SLC4A1AP: variants seen among roughly 807,000 people sequenced by gnomAD.
SLC4A1AP encodes solute carrier family 4 member 1 adaptor protein.
In SLC4A1AP, 64 loss-of-function variants were observed where a neutral mutation model predicts 89.7. That is an observed-to-expected ratio of 0.71 (90% CI 0.58 to 0.88). The LOEUF (loss-of-function observed/expected upper bound fraction) is 0.88, where lower values mean the gene tolerates loss of function less well. Among genes scored for constraint, SLC4A1AP ranks in the 40% least tolerant of loss-of-function variants. The pLI is 0.00. For synonymous variants in SLC4A1AP, 366 were observed against 353.3 expected, an observed-to-expected ratio of 1.04 and a Z score of -0.40; for missense variants, 931 against 965.0, an observed-to-expected ratio of 0.96 and a Z score of 0.47.
exon 4 of SLC4A1AP, chr2:27,668,868 T>A (rs756489695): frequency 6.2e-7 from 1 of 1,614,186 alleles, no homozygotes; most frequent in South Asian, 1.1e-5. Flanking sequence ...ATGAATTTGA[T>A]GAACAGGGAC....
chr2:27,680,468 A>T (rs1675602200), intron 8 of SLC4A1AP, among the ~76,000 whole-genome samples: 1 of 152,134 alleles, frequency 6.6e-6, no homozygotes, highest in Non-Finnish European at 1.5e-5. Flanking sequence ...ATCATATAAT[A>T]ATTTTGTTAC....
exon 13 of SLC4A1AP, chr2:27,693,737 T>A (rs1179287854): frequency 6.2e-7 from 1 of 1,612,634 alleles, no homozygotes; most frequent in South Asian, 1.1e-5. Flanking sequence ...GACTACTGTG[T>A]GTGGGTCCCA....
At chr2:27,691,134 G>A (rs1430144402) in intron 12 of SLC4A1AP, among the ~76,000 whole-genome samples, 2 of 152,000 alleles carry the variant, frequency 1.3e-5, no homozygotes, top group Admixed American at 6.6e-5. Flanking sequence ...TTCCTTGAAT[G>A]TCTGGTAGAA....
exon 8 of SLC4A1AP, chr2:27,677,869 A>C: frequency 6.2e-7 from 1 of 1,613,202 alleles, no homozygotes; most frequent in South Asian, 1.1e-5. Context: ...AGAACAACAG[A>C]GACTTAAAGG....
chr2:27,688,552 T>A (rs1195282484), intron 11 of SLC4A1AP, 148 bp from the exon 12 acceptor site: 2 of 590,042 alleles, frequency 3.4e-6, no homozygotes, highest in East Asian at 3.1e-5. Flanking sequence ...TTGATATAGT[T>A]TTTACAGCAG....
chr2:27,675,511 C>T, intron 5 of SLC4A1AP, 21 bp from the exon 6 acceptor site: 2 of 1,506,810 alleles, frequency 1.3e-6, no homozygotes, highest in East Asian at 2.3e-5. Flanking sequence ...CTTATTTATT[C>T]ATCATTTTAT....
At chr2:27,667,932 CAGGCA>C (rs1675360572) in intron 3 of SLC4A1AP, among the ~76,000 whole-genome samples, 1 of 151,764 alleles carries the variant, frequency 6.6e-6, no homozygotes, top group Admixed American at 6.6e-5. Context: ...TTCTAAAAAC[CAGGCA>C]ACTGTGTTAA....
At chr2:27,689,002 ATATCC>A (rs1675749404) in intron 12 of SLC4A1AP, among the ~76,000 whole-genome samples, 1 of 152,106 alleles carries the variant, frequency 6.6e-6, no homozygotes, top group Admixed American at 6.5e-5. Context: ...ATCTTTCTTT[ATATCC>A]TAATTTGCCA....
At chr2:27,664,250 C>T in exon 1 of SLC4A1AP, 1 of 1,614,228 alleles carries the variant, frequency 6.2e-7, no homozygotes, top group Non-Finnish European at 8.5e-7. Flanking sequence ...CCACAGCCCC[C>T]TACAGCTTAG....
intron 9 of SLC4A1AP, among the ~76,000 whole-genome samples, chr2:27,683,431 C>G (rs182159075): frequency 2.6e-5 from 4 of 152,270 alleles, no homozygotes; most frequent in African/African-American, 7.2e-5. Flanking sequence ...TTGGTTTCCT[C>G]TAAGGCCTCT....
intron 12 of SLC4A1AP, chr2:27,692,396 ATTTGT>A (rs1241997103): frequency 2.6e-5 from 4 of 152,018 alleles, no homozygotes; most frequent in African/African-American, 7.3e-5. Context: ...TAAATTTGAG[ATTTGT>A]TTTGTGGTCT....
intron 3 of SLC4A1AP, chr2:27,668,636 G>C: frequency 1.4e-6 from 1 of 690,054 alleles, no homozygotes; most frequent in South Asian, 1.5e-5. Flanking sequence ...TTTTTGTACA[G>C]ATGGGGTTTT....
At chr2:27,683,035 T>C (rs1283397485) in intron 9 of SLC4A1AP, among the ~76,000 whole-genome samples, 1 of 152,234 alleles carries the variant, frequency 6.6e-6, no homozygotes, top group African/African-American at 2.4e-5. Flanking sequence ...GAACATAGTG[T>C]GTGCACTTGC....
Position 27,664,110 on chromosome 2 carries a change from C to T in SLC4A1AP, c.358C>T (p.Pro120Ser), listed in dbSNP as rs528081909. Residue 120 changes from proline (P) to serine (S), a missense_variant, in exon 1 of 14, where the codon CCT becomes TCT. Coordinates refer to ENST00000613058, the Ensembl canonical transcript of SLC4A1AP. ...CAATTCTGGGGAGCCCGACATCCCT[C>T]CTCCTCAGCCGGACTGCGGTGATTT... The T allele has an allele frequency of 2.7e-5, 43 of 1,614,088 alleles. No individual in the cohort carries two copies. Among genetic ancestry groups the T allele is most frequent in the Admixed American group, 5.0e-5 (3 of 60,012 alleles).
chr2:27,667,189 C>T (rs1675343482), intron 2 of SLC4A1AP, 79 bp from the exon 3 acceptor site: 1 of 1,460,212 alleles, frequency 6.8e-7, no homozygotes, highest in East Asian at 2.3e-5. Context: ...CTTTATGCAG[C>T]CTGAGAGAAT....
At position 27,694,629 on chromosome 2, in the gene SLC4A1AP, T is replaced by A. The variant is rs1442730639; in HGVS notation, c.2342-5T>A. On this transcript the variant is annotated splice_region_variant and splice_polypyrimidine_tract_variant and intron_variant, in intron 13 of 13. Coordinates refer to ENST00000613058, the Ensembl canonical transcript of SLC4A1AP. ...ATGTATTTCTTTTTTTATATTCTGATCTAGGTCAAAGTGGAGATGGCAGAA... is the reference window on the plus strand; with the variant it reads ...ATGTATTTCTTTTTTTATATTCTGAACTAGGTCAAAGTGGAGATGGCAGAA... The A allele has an allele frequency of 6.4e-7, 1 of 1,569,570 alleles. No homozygotes were observed. The highest frequency in any genetic ancestry group is 8.7e-7 in the Non-Finnish European group (1 of 1,150,094).
chr2:27,692,308 G>A (rs1017264742), intron 12 of SLC4A1AP: 4 of 152,140 alleles, frequency 2.6e-5, no homozygotes, highest in African/African-American at 9.7e-5. Context: ...GTATAGTTTT[G>A]AAGGTTCCTT....
exon 14 of SLC4A1AP, chr2:27,694,634 G>T: frequency 6.4e-7 from 1 of 1,571,114 alleles, no homozygotes; most frequent in South Asian, 1.2e-5. Flanking sequence ...TCTGATCTAG[G>T]TCAAAGTGGA....
intron 3 of SLC4A1AP, among the ~76,000 whole-genome samples, chr2:27,668,392 C>T (rs1675368602): frequency 6.6e-6 from 1 of 152,118 alleles, no homozygotes; most frequent in Non-Finnish European, 1.5e-5. Context: ...CCTCGTGATC[C>T]TCCCATCTCG....
Sources: allele counts gnomAD v4.1 joint callset (sites outside exome capture counted in the v4.1 genomes callset), GRCh38; gene constraint gnomAD v4.1.1; transcripts MANE v1.5; gene names NCBI Gene and HGNC (gene_info 2026-07-23, HGNC 2026-07-21).